SIRT5: variants seen among roughly 807,000 people sequenced by gnomAD.
SIRT5 encodes sirtuin 5, also known as NAD-dependent protein deacylase sirtuin-5, mitochondrial.
In SIRT5, 26 loss-of-function variants were observed where a neutral mutation model predicts 40.0. That is an observed-to-expected ratio of 0.65 (90% CI 0.48 to 0.90). SIRT5 has a LOEUF of 0.90. Among genes scored for constraint, SIRT5 ranks in the 40% least tolerant of loss-of-function variants. The pLI is 0.00. For synonymous variants in SIRT5, 146 were observed against 149.1 expected, an observed-to-expected ratio of 0.98 and a Z score of 0.15; for missense variants, 401 against 402.4, an observed-to-expected ratio of 1.00 and a Z score of 0.03.
rs541291441 is a variant in SIRT5 at position 13,601,397 on chromosome 6, T to C, written c.857+448T>C. ...AGGTTATTTGTATCTGTGGCCATAT[T>C]ATGACACTGATCCTGCTTCCCAAGT... On this transcript the variant is annotated intron_variant, in intron 9 of 9. Coordinates refer to ENST00000606117, the MANE Select transcript of SIRT5 (RefSeq NM_012241.5). Among the ~76,000 whole-genome samples, 4 of 152,326 alleles carry C rather than the reference T, an allele frequency of 2.6e-5. No homozygotes were observed. In the South Asian group the frequency reaches 8.3e-4, roughly 32 times the overall value.
intron 9 of SIRT5, among the ~76,000 whole-genome samples, chr6:13,608,559 C>T (rs567904344): frequency 7.7e-4 from 116 of 150,542 alleles, no homozygotes; most frequent in Middle Eastern, 3.4e-3. Flanking sequence ...GCACTCCGGC[C>T]TGGGTGACAC....
chr6:13,606,704 C>CAA (rs1763162226), intron 9 of SIRT5, among the ~76,000 whole-genome samples: 1 of 152,140 alleles, frequency 6.6e-6, no homozygotes, highest in Non-Finnish European at 1.5e-5. Context: ...TGTTTTAAGA[C>CAA]AGAGTCTTGC....
chr6:13,580,859 C>G (rs1759259260), intron 2 of SIRT5, among the ~76,000 whole-genome samples: 1 of 152,110 alleles, frequency 6.6e-6, no homozygotes, highest in Non-Finnish European at 1.5e-5. Flanking sequence ...TGGGGTCTCA[C>G]TTTGTTGCCC....
intron 8 of SIRT5, among the ~76,000 whole-genome samples, chr6:13,600,058 G>T (rs543253488): frequency 2.6e-5 from 4 of 152,280 alleles, no homozygotes; most frequent in South Asian, 2.1e-4. Context: ...TTCAAATTTT[G>T]ATAGTTTAAT....
rs138581233 is a variant in SIRT5, at chr6:13,580,122, G to C, written c.-36+513G>C. Among the ~76,000 whole-genome samples the C allele has an allele frequency of 1.8e-4, 28 of 152,312 alleles. No homozygotes were observed. In the East Asian group the frequency reaches 5.2e-3, roughly 28 times the overall value. ...TTCACTTCCCTCTAGCAGCCAGTCT[G>C]CCTGCCTTCCCTGCAGAAGTAACTT... On this transcript the variant is annotated intron_variant, in intron 2 of 9. Transcript: ENST00000606117.
At chr6:13,593,538 G>A (rs1761205796) in intron 5 of SIRT5, among the ~76,000 whole-genome samples, 1 of 152,178 alleles carries the variant, frequency 6.6e-6, no homozygotes, top group East Asian at 1.9e-4. Context: ...TTGTTGTCGG[G>A]ATTAAATAAG....
intron 9 of SIRT5, among the ~76,000 whole-genome samples, 176 bp from the exon 10 acceptor site, chr6:13,611,614 A>G (rs1433488750): frequency 3.9e-5 from 6 of 152,188 alleles, no homozygotes; most frequent in African/African-American, 1.4e-4. Context: ...AAGTGTTATA[A>G]CTAGAGTTGT....
chr6:13,604,910 T>C, intron 9 of SIRT5: 1 of 1,003,712 alleles, frequency 1.0e-6, no homozygotes, highest in Non-Finnish European at 1.2e-6. Context: ...AAGCTACTTA[T>C]CAACCAGACT....
At chr6:13,610,768 C>T (rs918666240) in intron 9 of SIRT5, among the ~76,000 whole-genome samples, 2 of 152,290 alleles carry the variant, frequency 1.3e-5, no homozygotes, top group South Asian at 2.1e-4. Context: ...AGGGGGCAGA[C>T]GGACTGGAGA....
intron 4 of SIRT5, among the ~76,000 whole-genome samples, chr6:13,590,608 TTGTG>T (rs1760739125): frequency 6.6e-6 from 1 of 152,054 alleles, no homozygotes; most frequent in Non-Finnish European, 1.5e-5. Context: ...TATGTGTATG[TTGTG>T]TGTATGTATG....
intron 4 of SIRT5, 127 bp downstream of exon 4, chr6:13,588,591 T>A (rs1760396062): frequency 4.2e-6 from 5 of 1,190,710 alleles, no homozygotes; most frequent in Admixed American, 3.2e-5. Flanking sequence ...GACCCTATTG[T>A]CTCATTGATT....
In SIRT5 at chr6:13,607,929, AT is replaced by A. The variant is rs561098258; in HGVS notation, c.858-3851del. Among the ~76,000 whole-genome samples, 10 of 148,126 alleles carry A rather than the reference AT, an allele frequency of 6.8e-5. No homozygotes were observed. Among genetic ancestry groups the A allele is most frequent in the African/African-American group, 7.4e-5 (3 of 40,318 alleles). On this transcript the variant is annotated intron_variant, in intron 9 of 9. Coordinates refer to ENST00000606117, the MANE Select transcript of SIRT5 (RefSeq NM_012241.5). The surrounding 1 kb of genome is among the most constrained non-coding windows in gnomAD (Gnocchi z 4.0). ...CCACCACACCCAGCTAATTTTTTGT[AT>A]TTTTTTTTTAGTAGAGACGGGTTTT...
chr6:13,582,860 T>A (rs2127618242), intron 2 of SIRT5, among the ~76,000 whole-genome samples: 1 of 152,366 alleles, frequency 6.6e-6, no homozygotes, highest in East Asian at 1.9e-4. Context: ...ATTGTCACAG[T>A]ACACTTCTTT....
Position 13,584,225 on chromosome 6 carries a change from A to G in SIRT5, c.115A>G (p.Ser39Gly). 6.2e-7 allele frequency: 1 copy of G among 1,612,534 alleles called. No individual in the cohort carries two copies. Among genetic ancestry groups the G allele is most frequent in the Non-Finnish European group, 8.5e-7 (1 of 1,178,504 alleles). Residue 39 changes from serine to glycine, a missense_variant and splice_region_variant, in exon 3 of 10, where the codon AGT (serine) becomes GGT (glycine). Transcript: ENST00000606117. Reference protein sequence around the residue: ...ICLKMARPSSSMADFRKFFAK... With the variant: ...ICLKMARPSSGMADFRKFFAK... ...CCTGAAAATGGCTCGGCCAAGTTCA[A>G]GTAAGTCATTTTACCCATTGCCTCA... is the stretch of plus-strand genomic sequence containing the variant.
At chr6:13,600,977 A>G (rs200373413) in intron 9 of SIRT5, 28 bp downstream of exon 9, 9 of 1,543,350 alleles carry the variant, frequency 5.8e-6, no homozygotes, top group African/African-American at 4.1e-5. Flanking sequence ...TGGGAGAGGG[A>G]GATGTGGGAG....
intron 1 of SIRT5, among the ~76,000 whole-genome samples, chr6:13,576,483 A>AT (rs1375718839): frequency 1.3e-5 from 2 of 152,058 alleles, no homozygotes; most frequent in African/African-American, 4.8e-5. Flanking sequence ...TTCTTTGTCC[A>AT]TTTTTTAACC....
chr6:13,596,964 G>C lies in SIRT5; in HGVS notation c.565G>C (p.Ala189Pro). ...PICPALSGKG[A>P]PEPGTQDASI... ...CTTTTCTAATATTATTTACTTCAGT[G>C]CTCCAGAACCTGGAACTCAAGATGC... The change falls in exon 7 of 10, where the codon GCT becomes CCT. Residue 189 changes from alanine (A) to proline (P), a missense_variant and splice_region_variant. Transcript: ENST00000606117. The C allele has an allele frequency of 6.2e-7, 1 of 1,606,862 alleles. No individual in the cohort carries two copies. The highest frequency in any genetic ancestry group is 8.5e-7 in the Non-Finnish European group (1 of 1,177,400).
At chr6:13,584,681 G>A (rs1367393912) in intron 3 of SIRT5, among the ~76,000 whole-genome samples, 1 of 152,130 alleles carries the variant, frequency 6.6e-6, no homozygotes, top group Non-Finnish European at 1.5e-5. Context: ...CCCTTCTAGG[G>A]CACCTTCAGA....
chr6:13,609,970 T>A (rs1313418530), intron 9 of SIRT5, among the ~76,000 whole-genome samples: 1 of 152,040 alleles, frequency 6.6e-6, no homozygotes, highest in Non-Finnish European at 1.5e-5. Flanking sequence ...ATGAGGGAAT[T>A]ATTTTTTTTT....
Sources: allele counts gnomAD v4.1 joint callset (sites outside exome capture counted in the v4.1 genomes callset), GRCh38; gene constraint gnomAD v4.1.1; non-coding constraint Gnocchi (gnomAD v3.1); transcripts MANE v1.5; gene names NCBI Gene and HGNC (gene_info 2026-07-23, HGNC 2026-07-21).